MAGI2: variants seen among roughly 807,000 people sequenced by gnomAD.
The protein encoded by MAGI2 is membrane associated guanylate kinase, WW and PDZ domain containing 2.
Under a neutral mutation model 133.3 loss-of-function variants are expected in MAGI2, and 35 were observed. The ratio of observed to expected loss-of-function variants is 0.26; its 90% CI spans 0.20 to 0.35. The LOEUF (loss-of-function observed/expected upper bound fraction) is 0.35. Ranked by LOEUF, MAGI2 falls within the 10% of genes least tolerant of loss-of-function variation. MAGI2 has a pLI of 1.00. For missense variants in MAGI2, 1,636 were observed against 1,863.4 expected (o/e 0.88, Z 2.25); for synonymous variants, 729 against 710.6 (o/e 1.03, Z -0.41).
intron 2 of MAGI2, among the ~76,000 whole-genome samples, chr7:78,860,202 G>A (rs960246127): frequency 6.6e-6 from 1 of 152,132 alleles, no homozygotes; most frequent in Non-Finnish European, 1.5e-5. Flanking sequence ...CTTTAGCTTG[G>A]AGAAGTTTGT....
chr7:78,959,570 A>G (rs1802676686), intron 2 of MAGI2, among the ~76,000 whole-genome samples: 1 of 152,162 alleles, frequency 6.6e-6, no homozygotes, highest in South Asian at 2.1e-4. Context: ...TTGAAGCAAT[A>G]CATTATAACA....
chr7:78,217,967 C>CA (rs1788432167), intron 10 of MAGI2, among the ~76,000 whole-genome samples: 1 of 152,192 alleles, frequency 6.6e-6, no homozygotes, highest in African/African-American at 2.4e-5. Flanking sequence ...GGCATCATTT[C>CA]AAGCTGCCGT....
intron 6 of MAGI2, among the ~76,000 whole-genome samples, chr7:78,417,760 T>A (rs560937836): frequency 6.6e-6 from 1 of 152,122 alleles, no homozygotes; most frequent in South Asian, 2.1e-4. Flanking sequence ...ATAGGTTGGA[T>A]AAATTGTCTA....
At chr7:78,149,376 T>G (rs1384567857) in intron 16 of MAGI2, among the ~76,000 whole-genome samples, 2 of 152,176 alleles carry the variant, frequency 1.3e-5, no homozygotes, top group Admixed American at 6.5e-5. Context: ...AATATAATTG[T>G]GTATAAATTC....
intron 4 of MAGI2, among the ~76,000 whole-genome samples, chr7:78,512,391 T>C (rs1795678374): frequency 6.6e-6 from 1 of 152,132 alleles, no homozygotes; most frequent in African/African-American, 2.4e-5. Flanking sequence ...AAATGATTTA[T>C]ATATGTAATT....
chr7:78,391,007 C>T (rs1192062207), intron 6 of MAGI2, among the ~76,000 whole-genome samples: 1 of 152,060 alleles, frequency 6.6e-6, no homozygotes, highest in Non-Finnish European at 1.5e-5. Context: ...CTTTCTGGGC[C>T]GTTTTTTCTT....
intron 10 of MAGI2, among the ~76,000 whole-genome samples, chr7:78,219,258 C>T (rs1788569061): frequency 6.6e-6 from 1 of 152,156 alleles, no homozygotes; most frequent in African/African-American, 2.4e-5. Context: ...TAAGCCTGAC[C>T]TCTGCTACTT....
intron 1 of MAGI2, among the ~76,000 whole-genome samples, chr7:79,097,406 G>A (rs1290724969): frequency 1.3e-5 from 2 of 152,154 alleles, no homozygotes; most frequent in African/African-American, 4.8e-5. Context: ...CAGAGCTGGT[G>A]CTATAATGGG....
intron 6 of MAGI2, among the ~76,000 whole-genome samples, chr7:78,421,215 C>T (rs1438685158): frequency 6.6e-6 from 1 of 152,102 alleles, no homozygotes; most frequent in African/African-American, 2.4e-5. Context: ...GCAAGACTGG[C>T]TTTCCTGGCA....
intron 1 of MAGI2, among the ~76,000 whole-genome samples, chr7:79,033,192 G>T (rs10250886): frequency 0.12 from 17,891 of 152,086 alleles, 1,491 homozygotes; most frequent in African/African-American, 0.24. Context: ...ACTCCTCCAT[G>T]TATTATCTAT....
chr7:79,371,639 C>T (rs6943036), intron 1 of MAGI2, among the ~76,000 whole-genome samples: 4,911 of 152,078 alleles, frequency 0.032, 252 homozygotes, highest in African/African-American at 0.11. Context: ...ATGTAGTAGA[C>T]GACACCATCT....
chr7:78,564,229 T>C (rs1188654256), intron 3 of MAGI2, among the ~76,000 whole-genome samples: 3 of 151,682 alleles, frequency 2.0e-5, no homozygotes, highest in Non-Finnish European at 4.4e-5. Flanking sequence ...GGCTCATGGA[T>C]ACCAGCTTTA....
At chr7:78,032,808 T>C (rs1338936348) in intron 21 of MAGI2, among the ~76,000 whole-genome samples, 5 of 152,138 alleles carry the variant, frequency 3.3e-5, no homozygotes, top group African/African-American at 1.2e-4. Context: ...GTCATTTGGA[T>C]TCTTGGGCTA....
At chr7:78,057,977 G>GTGTGTATATATATATA (rs762943472) in intron 21 of MAGI2, among the ~76,000 whole-genome samples, 1 of 106,612 alleles carries the variant, frequency 9.4e-6, no homozygotes, top group African/African-American at 3.4e-5. Flanking sequence ...ATATATATGT[G>GTGTGTATATATATATA]TATATATATA....
intron 20 of MAGI2, among the ~76,000 whole-genome samples, chr7:78,119,998 T>C (rs925631136): frequency 1.3e-5 from 2 of 152,218 alleles, no homozygotes; most frequent in East Asian, 1.9e-4. Flanking sequence ...TCTACATAAA[T>C]GGATTACATC....
At chr7:78,790,964 G>A (rs1218451693) in intron 2 of MAGI2, among the ~76,000 whole-genome samples, 1 of 152,124 alleles carries the variant, frequency 6.6e-6, no homozygotes, top group African/African-American at 2.4e-5. Flanking sequence ...CTAGATGTCT[G>A]ACTCCAAATA....
rs554010061 is a variant in MAGI2, at chr7:78,529,668, G to GTTTTTTTTTTTTTTTTTTTTTT, written c.539-8045_539-8024dup. Among the ~76,000 whole-genome samples, 66 of 57,422 alleles carry GTTTTTTTTTTTTTTTTTTTTTT rather than the reference G, an allele frequency of 1.1e-3. 17 individuals are homozygous for GTTTTTTTTTTTTTTTTTTTTTT. The highest frequency in any genetic ancestry group is 1.4e-3 in the Non-Finnish European group (39 of 28,728). The allele number at this position is 57,422 out of a possible 152,430, so 37.7% of individuals were successfully genotyped here. On this transcript the variant is annotated intron_variant, in intron 3 of 21. Coordinates refer to ENST00000354212, the MANE Select transcript of MAGI2 (RefSeq NM_012301.4). ...TTTCTTTTCCTTGCTAAAGGAGATG[G>GTTTTTTTTTTTTTTTTTTTTTT]TTTTTTTTTTTTTTTTTTTTTTTTT... is the stretch of plus-strand genomic sequence containing the variant.
At chr7:78,514,265 A>G (rs1795854051) in intron 4 of MAGI2, among the ~76,000 whole-genome samples, 1 of 150,640 alleles carries the variant, frequency 6.6e-6, no homozygotes, top group South Asian at 2.1e-4. Flanking sequence ...ATAGTAATAT[A>G]ATTACCATTA....
chr7:79,165,223 A>G (rs972376161), intron 1 of MAGI2, among the ~76,000 whole-genome samples: 5 of 150,508 alleles, frequency 3.3e-5, no homozygotes, highest in Non-Finnish European at 5.9e-5. Context: ...TAACTGATGG[A>G]CATATTTACT....
Sources: gnomAD v4.1 joint callset for allele counts (sites outside exome capture counted in the v4.1 genomes callset) on GRCh38, gnomAD v4.1.1 for gene constraint, MANE v1.5 for transcripts, NCBI Gene and HGNC (gene_info 2026-07-23, HGNC 2026-07-21) for gene names.